PTPRD: variants seen among roughly 807,000 people sequenced by gnomAD.
The protein encoded by PTPRD is protein tyrosine phosphatase receptor type D.
Under a neutral mutation model 214.5 loss-of-function variants are expected in PTPRD, and 34 were observed. The observed-to-expected ratio is 0.16, with a 90% CI of 0.12 to 0.21. PTPRD has a LOEUF of 0.21. Among genes scored for constraint, PTPRD ranks in the 10% least tolerant of loss-of-function variants. PTPRD has a pLI of 1.00. For missense variants in PTPRD, 2,545 were observed against 2,398.7 expected (o/e 1.06, Z -1.27); for synonymous variants, 1,128 against 845.7 (o/e 1.33, Z -5.79).
chr9:9,068,702 C>G (rs550148148), intron 10 of PTPRD, among the ~76,000 whole-genome samples: 34 of 152,214 alleles, frequency 2.2e-4, no homozygotes, highest in Admixed American at 7.9e-4. Flanking sequence ...GTCTCCGTCT[C>G]CCTGGTTCCA....
chr9:8,408,124 T>A (rs934027370), intron 35 of PTPRD, among the ~76,000 whole-genome samples: 1 of 151,926 alleles, frequency 6.6e-6, no homozygotes, highest in Non-Finnish European at 1.5e-5. Flanking sequence ...TAAGGAAGAG[T>A]GAGATGGCCA....
chr9:9,352,114 C>A (rs2051444293), intron 9 of PTPRD, among the ~76,000 whole-genome samples: 1 of 151,786 alleles, frequency 6.6e-6, no homozygotes, highest in East Asian at 1.9e-4. Flanking sequence ...CTGGCCCTTG[C>A]ATTTTTTATC....
chr9:8,431,231 G>C (rs552589286), intron 35 of PTPRD, among the ~76,000 whole-genome samples: 20 of 152,136 alleles, frequency 1.3e-4, no homozygotes, highest in African/African-American at 4.3e-4. Context: ...TCTCTTTATG[G>C]GGCCTGTACG....
At chr9:9,448,801 C>T (rs2091285381) in intron 8 of PTPRD, among the ~76,000 whole-genome samples, 2 of 152,006 alleles carry the variant, frequency 1.3e-5, no homozygotes, top group Non-Finnish European at 2.9e-5. Context: ...GGGGATTAAA[C>T]ACACACATGC....
chr9:9,943,622 TTAGA>T (rs1314663296), intron 4 of PTPRD, among the ~76,000 whole-genome samples: 1 of 145,778 alleles, frequency 6.9e-6, no homozygotes, highest in East Asian at 2.1e-4. Flanking sequence ...TTTGTGGCTG[TTAGA>T]TGGCGATATT....
At chr9:10,421,522 C>A (rs902568774) in intron 2 of PTPRD, among the ~76,000 whole-genome samples, 1 of 151,734 alleles carries the variant, frequency 6.6e-6, no homozygotes, top group Non-Finnish European at 1.5e-5. Context: ...TTTTACTGAG[C>A]CAGTTTAAGG....
chr9:9,848,356 G>A (rs1047921514), intron 5 of PTPRD, among the ~76,000 whole-genome samples: 3 of 152,034 alleles, frequency 2.0e-5, no homozygotes, highest in African/African-American at 7.2e-5. Flanking sequence ...CTTCCTGAGG[G>A]CCAGAAATGC....
chr9:9,899,704 C>T (rs1311375629), intron 5 of PTPRD, among the ~76,000 whole-genome samples: 1 of 151,604 alleles, frequency 6.6e-6, no homozygotes, highest in Non-Finnish European at 1.5e-5. Context: ...CTAGATATAC[C>T]TCCAAAGGAA....
chr9:8,859,019 C>T (rs769556750), intron 11 of PTPRD, among the ~76,000 whole-genome samples: 1 of 152,212 alleles, frequency 6.6e-6, no homozygotes, highest in Non-Finnish European at 1.5e-5. Flanking sequence ...TGGTCGCGCC[C>T]TATTGACAGC....
intron 3 of PTPRD, among the ~76,000 whole-genome samples, chr9:10,235,490 C>G (rs1442524020): frequency 6.6e-6 from 1 of 151,972 alleles, no homozygotes; most frequent in Non-Finnish European, 1.5e-5. Context: ...TCCCACTTAA[C>G]CATTAGCCAG....
At chr9:9,595,774 G>A (rs1290313437) in intron 7 of PTPRD, among the ~76,000 whole-genome samples, 2 of 151,670 alleles carry the variant, frequency 1.3e-5, no homozygotes, top group Non-Finnish European at 2.9e-5. Flanking sequence ...ATGATACAAT[G>A]GACTTTGAGG....
At chr9:8,733,633 G>A in intron 12 of PTPRD, 147 bp downstream of exon 12, 1 of 772,598 alleles carries the variant, frequency 1.3e-6, no homozygotes, top group Non-Finnish European at 2.1e-6. Context: ...CTCTTTCAAA[G>A]GCTGGCTGGT....
intron 9 of PTPRD, among the ~76,000 whole-genome samples, chr9:9,393,228 G>C (rs1289668733): frequency 6.6e-6 from 1 of 151,924 alleles, no homozygotes; most frequent in African/African-American, 2.4e-5. Context: ...ATGCCTCCAG[G>C]TATGCGTATA....
At chr9:8,366,765 A>G (rs943328351) in intron 39 of PTPRD, among the ~76,000 whole-genome samples, 4 of 152,304 alleles carry the variant, frequency 2.6e-5, no homozygotes, top group South Asian at 2.1e-4. Flanking sequence ...ATTGTTTGGA[A>G]CTGCCAAAAT....
intron 2 of PTPRD, among the ~76,000 whole-genome samples, chr9:10,482,130 G>C (rs1336927408): frequency 6.6e-6 from 1 of 152,080 alleles, no homozygotes; most frequent in African/African-American, 2.4e-5. Context: ...CCAGCATTTT[G>C]GGAGGCCCAG....
At chr9:10,035,387 C>T (rs374097638) in intron 3 of PTPRD, among the ~76,000 whole-genome samples, 172 of 151,958 alleles carry the variant, frequency 1.1e-3, no homozygotes, top group African/African-American at 3.9e-3. Flanking sequence ...TTCTGTAAGT[C>T]GTCTATCTGT....
chr9:9,350,589 T>C (rs1458277626), intron 9 of PTPRD, among the ~76,000 whole-genome samples: 1 of 152,114 alleles, frequency 6.6e-6, no homozygotes, highest in African/African-American at 2.4e-5. Flanking sequence ...AATTTTTGTA[T>C]ACATTGGTCA....
intron 3 of PTPRD, among the ~76,000 whole-genome samples, chr9:10,071,880 G>T (rs1385225511): frequency 6.6e-6 from 1 of 151,768 alleles, no homozygotes; most frequent in South Asian, 2.1e-4. Context: ...ATGTTGATAT[G>T]TTTCTGTATC....
intron 3 of PTPRD, among the ~76,000 whole-genome samples, chr9:10,237,741 G>T (rs994277530): frequency 1.3e-5 from 2 of 151,890 alleles, no homozygotes; most frequent in African/African-American, 4.8e-5. Flanking sequence ...AAATCCAGAA[G>T]ATAGTGAAGA....
Sources: gnomAD v4.1 joint callset for allele counts (sites outside exome capture counted in the v4.1 genomes callset) on GRCh38, gnomAD v4.1.1 for gene constraint, MANE v1.5 for transcripts, NCBI Gene and HGNC (gene_info 2026-07-23, HGNC 2026-07-21) for gene names.